GCKR: variants seen among roughly 807,000 people sequenced by gnomAD.
GCKR encodes glucokinase regulatory protein.
In GCKR, 73 loss-of-function variants were observed where a neutral mutation model predicts 82.9. The observed-to-expected ratio is 0.88, with a 90% confidence interval of 0.73 to 1.07. The LOEUF (loss-of-function observed/expected upper bound fraction) is 1.07. GCKR is among the 50% of genes least tolerant of loss of function. GCKR has a pLI of 0.00. For synonymous variants in GCKR, 294 were observed against 291.8 expected, an observed-to-expected ratio of 1.01 and a Z score of -0.08; for missense variants, 784 against 782.1, an observed-to-expected ratio of 1.00 and a Z score of -0.03.
intron 16 of GCKR, chr2:27,509,617 C>A: frequency 2.6e-6 from 1 of 388,322 alleles, no homozygotes; most frequent in South Asian, 1.9e-5. Flanking sequence ...GCTGAGATTG[C>A]AGGCGTGAGC....
intron 16 of GCKR, among the ~76,000 whole-genome samples, chr2:27,515,228 T>C (rs1669974730): frequency 6.6e-6 from 1 of 151,890 alleles, no homozygotes; most frequent in South Asian, 2.1e-4. Flanking sequence ...TCTGCCCATG[T>C]CGGCCTCCCA....
At chr2:27,520,863 C>T (rs553853380) in intron 17 of GCKR, among the ~76,000 whole-genome samples, 3 of 151,882 alleles carry the variant, frequency 2.0e-5, no homozygotes, top group African/African-American at 7.2e-5. Context: ...TGGTGAAACC[C>T]CGTCTCTACT....
At chr2:27,515,685 G>C (rs1332927613) in intron 16 of GCKR, among the ~76,000 whole-genome samples, 2 of 149,910 alleles carry the variant, frequency 1.3e-5, no homozygotes, top group African/African-American at 4.9e-5. Flanking sequence ...GTTTATTCTT[G>C]TGTATGGGGT....
At chr2:27,507,531 A>G in intron 13 of GCKR, 150 bp from the exon 14 acceptor site, 1 of 685,686 alleles carries the variant, frequency 1.5e-6, no homozygotes, top group South Asian at 1.6e-5. Context: ...CTTGTTACAT[A>G]ATCTTGGGCA....
In GCKR at chr2:27,518,879, T is replaced by C; in HGVS notation, c.1514T>C (p.Met505Thr). 2 of 1,613,520 alleles carry C rather than the reference T, an allele frequency of 1.2e-6. No individual in the cohort carries two copies. Among genetic ancestry groups the C allele is most frequent in the South Asian group, 1.1e-5 (1 of 91,060 alleles). The change falls in exon 17 of 19, where the codon ATG becomes ACG. Residue 505 changes from methionine to threonine, a missense_variant. Physicochemically the swap from Met to Thr is moderately conservative, Grantham distance 81 (BLOSUM62 -1). Transcript: ENST00000264717. ...CTTGGTAAGATCCTACAAAACCACA[T>C]GTTGGACCTTCGGATTAGCAACTCC... is the stretch of plus-strand genomic sequence containing the variant. Reference protein sequence around the residue: ...VLLGKILQNHMLDLRISNSKL... With the variant: ...VLLGKILQNHTLDLRISNSKL...
Position 27,523,469 on chromosome 2 carries a change from C to T in GCKR, c.*30C>T. 1 of 1,597,206 alleles carries T rather than the reference C, an allele frequency of 6.3e-7. No individual in the cohort carries two copies. The highest frequency in any genetic ancestry group is 8.5e-7 in the Non-Finnish European group (1 of 1,176,900). On this transcript the variant is annotated 3_prime_UTR_variant, in exon 19 of 19. Transcript: ENST00000264717. ...ATGTTTCTGGGTGGGTGAAAGGGGC[C>T]CAACCCTGCCCACTTCAGCCCAGCC...
intron 16 of GCKR, among the ~76,000 whole-genome samples, chr2:27,511,755 ATTTTG>A (rs1048099223): frequency 4.6e-5 from 7 of 152,120 alleles, no homozygotes; most frequent in Admixed American, 6.6e-5. Context: ...CTACACTTTT[ATTTTG>A]TTTTGTTTTG....
intron 9 of GCKR, among the ~76,000 whole-genome samples, chr2:27,505,172 G>A (rs1312321947): frequency 7.5e-6 from 1 of 133,296 alleles, no homozygotes; most frequent in Non-Finnish European, 1.6e-5. Context: ...CGAGGTGGGC[G>A]AATCACGAGG....
chr2:27,508,400 G>C (rs1669803754), intron 16 of GCKR, 149 bp downstream of exon 16: 1 of 670,818 alleles, frequency 1.5e-6, no homozygotes, highest in Non-Finnish European at 2.7e-6. Context: ...GGGTTACCAG[G>C]TTACTAGTCA....
intron 14 of GCKR, 49 bp downstream of exon 14, chr2:27,507,826 T>A (rs1251325603): frequency 1.6e-6 from 2 of 1,236,406 alleles, no homozygotes; most frequent in Non-Finnish European, 2.4e-6. Flanking sequence ...GGAAATAGAA[T>A]GGTTCAGAGG....
At position 27,507,355 on chromosome 2, in the gene GCKR, T is replaced by G. The variant is rs763233905; in HGVS notation, c.1143+44T>G. The G allele has an allele frequency of 2.2e-5, 27 of 1,232,010 alleles. No individual in the cohort carries two copies. In the South Asian group the frequency reaches 3.1e-4, roughly 14 times the overall value. 76.3% of individuals were successfully genotyped at this position (1,232,010 alleles called of 1,614,324 possible). A position where few individuals can be genotyped will look rare whatever the true frequency, so the allele number is the denominator to read the frequency against. On this transcript the variant is annotated intron_variant, in intron 13 of 18. Transcript: ENST00000264717. Reference sequence around the variant, plus strand: ...TTGGGGAAGCTGGGGAGACCACTAGTGTGCTGAGGGTGGAAGAAAAGGGGA... The same window carrying G: ...TTGGGGAAGCTGGGGAGACCACTAGGGTGCTGAGGGTGGAAGAAAAGGGGA...
intron 11 of GCKR, 47 bp from the exon 12 acceptor site, chr2:27,506,741 T>C (rs1428451958): frequency 7.8e-7 from 1 of 1,281,896 alleles, no homozygotes; most frequent in Non-Finnish European, 1.1e-6. Context: ...ATCTCTGGCC[T>C]CTTTGCACGG....
In GCKR at chr2:27,516,283, GTTTTTTTTTTTT is replaced by G. The variant is rs35189790; in HGVS notation, c.1423-2491_1423-2480del. Among the ~76,000 whole-genome samples the G allele has an allele frequency of 5.9e-3, 344 of 58,584 alleles. 3 individuals carry two copies. Among genetic ancestry groups the G allele is most frequent in the African/African-American group, 0.026 (327 of 12,700 alleles). 38.4% of individuals were successfully genotyped at this position (58,584 alleles called of 152,430 possible). A position where few individuals can be genotyped will look rare whatever the true frequency, so the allele number is the denominator to read the frequency against. The stretch of plus-strand genomic sequence containing the variant: ...CCAATAGGGTTTGTTCTTCATTCTT[GTTTTTTTTTTTT>G]TTTTTTTTTTTTTGAGATGGAGTCT... On this transcript the variant is annotated intron_variant, in intron 16 of 18. Coordinates refer to ENST00000264717, the MANE Select transcript of GCKR (RefSeq NM_001486.4).
rs774821374 is a variant in GCKR at position 27,506,546 on chromosome 2, AGATT to A, written c.937_940del (p.Ile313ProfsTer3). On this transcript the variant is annotated frameshift_variant, in exon 11 of 19. Coordinates refer to ENST00000264717, the MANE Select transcript of GCKR (RefSeq NM_001486.4). LOFTEE classifies it high-confidence loss of function. ...CAGGTGACCTACAGCCAAAGCCCCAAGATTGCCACCCTGATGAAGAGTGTCAGCA... is the reference window on the plus strand; with the variant it reads ...CAGGTGACCTACAGCCAAAGCCCCAAGCCACCCTGATGAAGAGTGTCAGCA... 18 of 1,613,468 alleles carry A rather than the reference AGATT, an allele frequency of 1.1e-5. No homozygotes were observed. In the Admixed American group the frequency reaches 1.8e-4, roughly 16 times the overall value.
At chr2:27,498,691 A>G (rs1669487832) in intron 4 of GCKR, 33 bp from the exon 5 acceptor site, 1 of 1,324,634 alleles carries the variant, frequency 7.5e-7, no homozygotes, top group Non-Finnish European at 1.1e-6. Flanking sequence ...CTTCTCTGTC[A>G]TTACCTCTTT....
intron 9 of GCKR, among the ~76,000 whole-genome samples, chr2:27,505,228 C>T (rs1239001664): frequency 1.4e-5 from 2 of 144,608 alleles, no homozygotes; most frequent in Admixed American, 1.4e-4. Flanking sequence ...AACCCCATCT[C>T]TACTAAAGAT....
chr2:27,511,720 G>A (rs1669886223), intron 16 of GCKR, among the ~76,000 whole-genome samples: 1 of 151,856 alleles, frequency 6.6e-6, no homozygotes, highest in African/African-American at 2.4e-5. Context: ...ATAAAAAAAA[G>A]AAATATTTTC....
intron 8 of GCKR, among the ~76,000 whole-genome samples, chr2:27,502,324 T>C (rs1453091303): frequency 6.6e-6 from 1 of 152,182 alleles, no homozygotes; most frequent in Non-Finnish European, 1.5e-5. Context: ...CTAAGTGAAA[T>C]GAAGAATTTC....
intron 4 of GCKR, 59 bp downstream of exon 4, chr2:27,498,382 C>A: frequency 1.5e-6 from 2 of 1,299,066 alleles, no homozygotes; most frequent in Non-Finnish European, 2.2e-6. Context: ...ACCCTCAGGA[C>A]CATAAAGATC....
Sources: allele counts gnomAD v4.1 joint callset (sites outside exome capture counted in the v4.1 genomes callset), GRCh38; gene constraint gnomAD v4.1.1; transcripts MANE v1.5; gene names NCBI Gene and HGNC (gene_info 2026-07-23, HGNC 2026-07-21).